LINGO2: variants seen among roughly 807,000 people sequenced by gnomAD.
LINGO2 encodes the protein leucine-rich repeat and immunoglobulin-like domain-containing nogo receptor-interacting protein 2.
In LINGO2, 14 loss-of-function variants were observed where a neutral mutation model predicts 30.6. The observed-to-expected ratio is 0.46, with a 90% CI of 0.30 to 0.72. The LOEUF is 0.72. LINGO2 is among the 30% of genes least tolerant of loss of function. The pLI, the probability that LINGO2 is intolerant of heterozygous loss-of-function variation, is 0.07. For synonymous variants in LINGO2, 317 were observed against 288.5 expected (o/e 1.10, Z -1.00); for missense variants, 729 against 751.7 (o/e 0.97, Z 0.35).
chr9:28,848,364 TG>T, the LINGO2 span, among the ~76,000 whole-genome samples: 3 of 48,406 alleles, frequency 6.2e-5, no homozygotes, highest in East Asian at 1.2e-3. Flanking sequence ...ACACATATAT[TG>T]TGTGTGTGTG....
At chr9:28,993,011 A>C in the LINGO2 span, among the ~76,000 whole-genome samples, 4 of 151,942 alleles carry the variant, frequency 2.6e-5, no homozygotes, top group Non-Finnish European at 4.4e-5. Flanking sequence ...AAATAACTAA[A>C]ATCAGAGCAG....
intron 1 of LINGO2, among the ~76,000 whole-genome samples, chr9:28,632,805 T>A (rs1054645065): frequency 1.5e-5 from 2 of 132,386 alleles, no homozygotes; most frequent in Non-Finnish European, 3.1e-5. Flanking sequence ...TAGATTTATA[T>A]AGATGATCTA....
chr9:28,410,058 AAAG>A (rs1468088392), intron 2 of LINGO2, among the ~76,000 whole-genome samples: 8 of 150,854 alleles, frequency 5.3e-5, no homozygotes, highest in Non-Finnish European at 8.9e-5. Context: ...GGGAGAGAGG[AAAG>A]AAGAAAGGAA....
Position 28,118,520 on chromosome 9 carries a change from C to G in LINGO2, c.-86-106115G>C, listed in dbSNP as rs189411965. Among the ~76,000 whole-genome samples the G allele has an allele frequency of 3.9e-3, 594 of 152,040 alleles. 3 individuals are homozygous for G. Among genetic ancestry groups the G allele is most frequent in the Admixed American group, 8.4e-3 (129 of 15,272 alleles). On this transcript the variant is annotated intron_variant, in intron 4 of 5. Coordinates refer to ENST00000379992, the Ensembl canonical transcript of LINGO2. ...AGTAAGCTATCTAACTTTGGAGTGG[C>G]AAGTAGAAAATCCGTGCATATGAGG...
intron 2 of LINGO2, among the ~76,000 whole-genome samples, chr9:28,455,744 T>C (rs969008620): frequency 2.0e-5 from 3 of 152,146 alleles, no homozygotes; most frequent in African/African-American, 4.8e-5. Context: ...TTACATAAAC[T>C]ATTATGGCCT....
intron 3 of LINGO2, among the ~76,000 whole-genome samples, chr9:28,321,917 A>C (rs1275850321): frequency 6.6e-6 from 1 of 152,216 alleles, no homozygotes; most frequent in African/African-American, 2.4e-5. Flanking sequence ...AAAAAAAGAA[A>C]AAAAACAAAC....
At chr9:28,690,471 T>G in the LINGO2 span, among the ~76,000 whole-genome samples, 1 of 152,228 alleles carries the variant, frequency 6.6e-6, no homozygotes, top group Non-Finnish European at 1.5e-5. Flanking sequence ...GTATCATTTA[T>G]GACTATCAGT....
At chr9:29,199,928 G>C in the LINGO2 span, among the ~76,000 whole-genome samples, 1 of 151,280 alleles carries the variant, frequency 6.6e-6, no homozygotes, top group Non-Finnish European at 1.5e-5. Context: ...TGGTAAACAG[G>C]AAAAAAGTAT....
chr9:28,565,666 C>T, intron 1 of LINGO2, among the ~76,000 whole-genome samples: 1 of 151,856 alleles, frequency 6.6e-6, no homozygotes, highest in Non-Finnish European at 1.5e-5. Context: ...ATTCTCCTGC[C>T]TCAGCCTCCT....
intron 4 of LINGO2, among the ~76,000 whole-genome samples, chr9:28,077,637 A>C (rs1825664260): frequency 7.4e-6 from 1 of 135,662 alleles, no homozygotes; most frequent in Non-Finnish European, 1.5e-5. Context: ...CAAGTATGCT[A>C]TTTAATTACT....
In LINGO2 at chr9:28,441,251, C is replaced by CTTT. The variant is rs72213590; in HGVS notation, c.-279+34686_-279+34688dup. Among the ~76,000 whole-genome samples, 10 of 36,286 alleles carry CTTT rather than the reference C, an allele frequency of 2.8e-4. 3 individuals carry two copies. Among genetic ancestry groups the CTTT allele is most frequent in the African/African-American group, 4.6e-4 (5 of 10,798 alleles). 23.8% of individuals were successfully genotyped at this position (36,286 alleles called of 152,430 possible). On this transcript the variant is annotated intron_variant, in intron 2 of 5. Transcript: ENST00000379992. ...TATAGCAGTATAAATTCATTGGAGG[C>CTTT]TTTTTTTTTTTTTTTTTTTTTTTTT...
At chr9:28,936,312 T>A in the LINGO2 span, among the ~76,000 whole-genome samples, 1 of 152,176 alleles carries the variant, frequency 6.6e-6, no homozygotes. Flanking sequence ...TGTTGTGGTG[T>A]CTTGCCATCA....
intron 3 of LINGO2, among the ~76,000 whole-genome samples, chr9:28,360,367 C>CTG (rs1820393570): frequency 6.6e-6 from 1 of 152,146 alleles, no homozygotes; most frequent in African/African-American, 2.4e-5. Context: ...ATCAAGGAAC[C>CTG]TATACCTGCA....
chr9:29,056,036 T>C, the LINGO2 span, among the ~76,000 whole-genome samples: 1 of 151,500 alleles, frequency 6.6e-6, no homozygotes, highest in Non-Finnish European at 1.5e-5. Flanking sequence ...CTGAGCAGGT[T>C]CCATAGTTTT....
intron 1 of LINGO2, among the ~76,000 whole-genome samples, chr9:28,507,313 CAAGAGAAAAA>C (rs1053705092): frequency 6.6e-6 from 1 of 151,854 alleles, no homozygotes; most frequent in African/African-American, 2.4e-5. Flanking sequence ...TTATATCCTT[CAAGAGAAAAA>C]GATACTTTGC....
At chr9:28,655,917 C>A (rs1273369044) in intron 1 of LINGO2, among the ~76,000 whole-genome samples, 2 of 152,082 alleles carry the variant, frequency 1.3e-5, no homozygotes, top group Non-Finnish European at 2.9e-5. Flanking sequence ...TGAGAACAGA[C>A]TAATACAGTG....
chr9:29,018,194 C>T, the LINGO2 span, among the ~76,000 whole-genome samples: 2 of 150,060 alleles, frequency 1.3e-5, no homozygotes, highest in South Asian at 2.1e-4. Context: ...GAAGAGAAAA[C>T]GGAATAACGA....
chr9:29,168,673 A>C, the LINGO2 span, among the ~76,000 whole-genome samples: 1 of 152,346 alleles, frequency 6.6e-6, no homozygotes, highest in East Asian at 1.9e-4. Context: ...TAGGGAAGTT[A>C]AACTGGAAAA....
chr9:28,041,399 G>T (rs16912365), intron 4 of LINGO2, among the ~76,000 whole-genome samples: 9,606 of 152,164 alleles, frequency 0.063, 440 homozygotes, highest in Admixed American at 0.11. Flanking sequence ...CTTTACCTGT[G>T]TGCTTCTGTG....
Sources: gnomAD v4.1 joint callset for allele counts (sites outside exome capture counted in the v4.1 genomes callset) on GRCh38, gnomAD v4.1.1 for gene constraint, MANE v1.5 for transcripts, NCBI Gene and HGNC (gene_info 2026-07-23, HGNC 2026-07-21) for gene names.